ERBIN: variants seen among roughly 807,000 people sequenced by gnomAD.
ERBIN encodes the protein erbb2 interacting protein, also known as densin-180-like protein.
In ERBIN, 60 loss-of-function variants were observed where a neutral mutation model predicts 158.4. The observed-to-expected ratio is 0.38, with a 90% CI of 0.31 to 0.47. The LOEUF (loss-of-function observed/expected upper bound fraction) is 0.47. Among genes scored for constraint, ERBIN ranks in the 20% least tolerant of loss-of-function variants. The probability of loss-of-function intolerance (pLI) is 0.99; values close to 1 mark genes in which losing one functional copy is unlikely to be tolerated. For synonymous variants in ERBIN, 594 were observed against 557.2 expected, an observed-to-expected ratio of 1.07 and a Z score of -0.93; for missense variants, 1,610 against 1,648.0, an observed-to-expected ratio of 0.98 and a Z score of 0.40.
At chr5:66,022,423 A>G (rs1755801007) in intron 8 of ERBIN, among the ~76,000 whole-genome samples, 1 of 152,210 alleles carries the variant, frequency 6.6e-6, no homozygotes, top group Admixed American at 6.5e-5. Context: ...ACAAAAGGAA[A>G]TTTCTTTTAA....
rs1275596837 is a variant in ERBIN at position 66,075,171 on chromosome 5, C to A, written c.3904C>A (p.Pro1302Thr). The part of the protein sequence containing the change: ...DYLMLKVAHQ[P>T]PYTQPHCSPR... ...CTTGATGCTGAAAGTGGCCCACCAGCCTCCATATACACAGCCCCATTGTTC... is the reference window on the plus strand; with the variant it reads ...CTTGATGCTGAAAGTGGCCCACCAGACTCCATATACACAGCCCCATTGTTC... The change falls in exon 23 of 26, where the codon CCT becomes ACT. Residue 1302 changes from proline (P) to threonine (T), a missense_variant. Coordinates refer to ENST00000284037, the MANE Select transcript of ERBIN (RefSeq NM_001253697.2). The A allele has an allele frequency of 6.2e-7, 1 of 1,614,000 alleles. No individual in the cohort carries two copies. Among genetic ancestry groups the A allele is most frequent in the African/African-American group, 1.3e-5 (1 of 74,894 alleles).
At chr5:66,006,477 G>A (rs540197146) in intron 4 of ERBIN, among the ~76,000 whole-genome samples, 1 of 152,214 alleles carries the variant, frequency 6.6e-6, no homozygotes, top group African/African-American at 2.4e-5. Flanking sequence ...CAGGACATAG[G>A]CATGGGCAAG....
At chr5:66,033,327 T>C (rs1252898720) in intron 14 of ERBIN, among the ~76,000 whole-genome samples, 2 of 152,198 alleles carry the variant, frequency 1.3e-5, no homozygotes, top group Non-Finnish European at 2.9e-5. Flanking sequence ...AAAGGAATTA[T>C]ATAAAATAAC....
At chr5:66,010,829 A>G (rs1451971170) in intron 4 of ERBIN, among the ~76,000 whole-genome samples, 1 of 152,210 alleles carries the variant, frequency 6.6e-6, no homozygotes, top group Non-Finnish European at 1.5e-5. Context: ...AGATTAGAAC[A>G]GTGCTTTTTA....
In ERBIN at chr5:66,025,922, C is replaced by G; in HGVS notation, c.965C>G (p.Thr322Ser). 1 of 1,595,402 alleles carries G rather than the reference C, an allele frequency of 6.3e-7. No individual in the cohort carries two copies. The highest frequency in any genetic ancestry group is 8.5e-7 in the Non-Finnish European group (1 of 1,171,372). Residue 322 changes from threonine to serine, a missense_variant, in exon 12 of 26, where the codon ACT becomes AGT. This residue lies in a region of ERBIN where 596 missense variants were observed against 711.9 expected (regional missense o/e 0.84). Coordinates refer to ENST00000284037, the MANE Select transcript of ERBIN (RefSeq NM_001253697.2). ...TTGCCTTCATCTATTGGGCAGCTTA[C>G]TAACTTAAGAACTTTTGCTGCTGAT... ...EALPSSIGQL[T>S]NLRTFAADHN...
In ERBIN at chr5:66,044,209, A is replaced by ATT; in HGVS notation, c.1502_1503dup (p.Val502LeufsTer5). The ATT allele has an allele frequency of 6.2e-7, 1 of 1,612,202 alleles. No homozygotes were observed. The highest frequency in any genetic ancestry group is 8.5e-7 in the Non-Finnish European group (1 of 1,179,232). ...GAATATGGTCAAAACTGTTCAAACC[A>ATT]TTGTACATAGATTAAAAGATGAAGA... On this transcript the variant is annotated frameshift_variant, in exon 17 of 26. Transcript: ENST00000284037. LOFTEE classifies it high-confidence loss of function.
chr5:66,004,991 T>C (rs1348592562), intron 4 of ERBIN, among the ~76,000 whole-genome samples: 1 of 152,194 alleles, frequency 6.6e-6, no homozygotes, highest in Non-Finnish European at 1.5e-5. Flanking sequence ...GTATGCACTT[T>C]GACATTTACC....
At chr5:65,932,067 C>G in intron 1 of ERBIN, among the ~76,000 whole-genome samples, 1 of 152,052 alleles carries the variant, frequency 6.6e-6, no homozygotes, top group East Asian at 1.9e-4. Context: ...ATCTGCCCGC[C>G]TCGGCCTCCC....
intron 22 of ERBIN, among the ~76,000 whole-genome samples, chr5:66,074,583 G>A (rs990432131): frequency 6.6e-6 from 1 of 152,154 alleles, no homozygotes; most frequent in South Asian, 2.1e-4. Flanking sequence ...AAAAACGTCA[G>A]CAAATGTACC....
chr5:66,000,385 G>C (rs1019120218), intron 4 of ERBIN, among the ~76,000 whole-genome samples: 1 of 152,110 alleles, frequency 6.6e-6, no homozygotes, highest in Non-Finnish European at 1.5e-5. Context: ...ACTATTTAAA[G>C]AATTACATGT....
At chr5:65,976,455 A>G (rs910117938) in intron 1 of ERBIN, among the ~76,000 whole-genome samples, 1 of 152,170 alleles carries the variant, frequency 6.6e-6, no homozygotes, top group African/African-American at 2.4e-5. Context: ...CCTGGGTGAC[A>G]GAATGAGACT....
At chr5:65,940,476 T>TCCCCC (rs1244777484) in intron 1 of ERBIN, among the ~76,000 whole-genome samples, 2 of 18,488 alleles carry the variant, frequency 1.1e-4, no homozygotes, top group Non-Finnish European at 2.0e-4. Flanking sequence ...GGGGGGTCAG[T>TCCCCC]CCCCCCCCCC....
intron 1 of ERBIN, among the ~76,000 whole-genome samples, chr5:65,987,475 T>G (rs567618577): frequency 7.2e-5 from 11 of 151,808 alleles, no homozygotes; most frequent in Non-Finnish European, 1.3e-4. Flanking sequence ...GGCAGGAGAA[T>G]CCTTTGAGCC....
intron 21 of ERBIN, among the ~76,000 whole-genome samples, chr5:66,060,553 G>A (rs940168810): frequency 5.9e-5 from 9 of 152,090 alleles, no homozygotes; most frequent in Non-Finnish European, 1.0e-4. Context: ...GTTCTGCTCT[G>A]ATCTTAGTTA....
At chr5:66,069,100 A>G in intron 21 of ERBIN, 1 of 1,259,280 alleles carries the variant, frequency 7.9e-7, no homozygotes, top group South Asian at 2.0e-5. Context: ...TGTTTCCAGG[A>G]AAAAAAATGT....
chr5:65,987,681 C>T (rs554161521), intron 1 of ERBIN, among the ~76,000 whole-genome samples: 22 of 151,894 alleles, frequency 1.4e-4, no homozygotes, highest in Non-Finnish European at 2.5e-4. Context: ...GGCAAAACCC[C>T]GTCTCTCTAA....
chr5:66,049,563 A>G (rs1006717564), intron 19 of ERBIN, among the ~76,000 whole-genome samples: 1 of 152,106 alleles, frequency 6.6e-6, no homozygotes, highest in African/African-American at 2.4e-5. Flanking sequence ...CTAAGAAAGA[A>G]CTTAACAACC....
intron 1 of ERBIN, among the ~76,000 whole-genome samples, chr5:65,974,420 T>C (rs1749640373): frequency 6.6e-6 from 1 of 152,270 alleles, no homozygotes; most frequent in Non-Finnish European, 1.5e-5. Flanking sequence ...GCAGTGCTGC[T>C]CCTGTATCAT....
intron 25 of ERBIN, among the ~76,000 whole-genome samples, chr5:66,077,574 A>C (rs1442065058): frequency 2.0e-5 from 3 of 152,160 alleles, no homozygotes; most frequent in African/African-American, 7.2e-5. Flanking sequence ...TGGTCCCAAC[A>C]CTTTCTAAAA....
Sources: gnomAD v4.1 joint callset for allele counts (sites outside exome capture counted in the v4.1 genomes callset) on GRCh38, gnomAD v4.1.1 for gene constraint, gnomAD v4.1.1 regional missense constraint, MANE v1.5 for transcripts, NCBI Gene and HGNC (gene_info 2026-07-23, HGNC 2026-07-21) for gene names.